ZNF362: variants seen among roughly 807,000 people sequenced by gnomAD.
ZNF362 encodes rotund homolog.
ZNF362 carries 11 observed loss-of-function variants against 42.9 expected under a neutral mutation model. The ratio of observed to expected loss-of-function variants is 0.26; its 90% CI spans 0.16 to 0.42. The LOEUF (loss-of-function observed/expected upper bound fraction) is 0.42. ZNF362 is among the 20% of genes least tolerant of loss of function. The pLI, the probability that ZNF362 is intolerant of heterozygous loss-of-function variation, is 1.00. For missense variants in ZNF362, 362 were observed against 576.2 expected (o/e 0.63, Z 3.81); for synonymous variants, 255 against 257.3 (o/e 0.99, Z 0.09).
At chr1:33,202,324 T>G in the ZNF362 span, among the ~76,000 whole-genome samples, 16 of 152,186 alleles carry the variant, frequency 1.1e-4, no homozygotes, top group Non-Finnish European at 2.4e-4. Context: ...AGGCCGGGCG[T>G]GGTGGCTCAC....
chr1:33,284,802 G>A (rs1646020624), intron 6 of ZNF362, among the ~76,000 whole-genome samples: 1 of 152,144 alleles, frequency 6.6e-6, no homozygotes, highest in African/African-American at 2.4e-5. Context: ...CCAGTCCTGG[G>A]GAAAAATTCC....
the ZNF362 span, among the ~76,000 whole-genome samples, chr1:33,219,493 G>A: frequency 5.0e-4 from 76 of 152,322 alleles, no homozygotes; most frequent in Non-Finnish European, 7.4e-4. Context: ...GGGAGGACTC[G>A]TGAAGACCTA....
At chr1:33,256,220 G>A (rs1158266033), upstream of ZNF362, among the ~76,000 whole-genome samples, 1 of 140,066 alleles carries the variant, frequency 7.1e-6, no homozygotes, top group African/African-American at 2.5e-5. Context: ...CGAGGCCCCG[G>A]GGCCCGAGTG....
the ZNF362 span, among the ~76,000 whole-genome samples, chr1:33,153,896 C>T: frequency 6.6e-6 from 1 of 152,190 alleles, no homozygotes; most frequent in Non-Finnish European, 1.5e-5. Context: ...AGACCTGGCC[C>T]CTGACCCTCA....
At chr1:33,217,833 A>G in the ZNF362 span, among the ~76,000 whole-genome samples, 1 of 152,152 alleles carries the variant, frequency 6.6e-6, no homozygotes, top group Non-Finnish European at 1.5e-5. Context: ...GGATCATAGT[A>G]TTTTAACTAT....
At chr1:33,208,545 A>AT in the ZNF362 span, among the ~76,000 whole-genome samples, 1 of 151,812 alleles carries the variant, frequency 6.6e-6, no homozygotes, top group South Asian at 2.1e-4. Context: ...CACGATATTG[A>AT]TTTTTCCTAT....
chr1:33,274,036 G>C (rs965980396), intron 2 of ZNF362, among the ~76,000 whole-genome samples: 2 of 152,080 alleles, frequency 1.3e-5, no homozygotes, highest in Non-Finnish European at 2.9e-5. Context: ...TTTACATCTC[G>C]GTCCCCTCCA....
rs546885858 is a variant in ZNF362, at chr1:33,266,369, C to A, written c.-88-4118C>A. ...ACTTGAGGCCCTACTGCATGGCTGGCGCTGGGCTCTGGGGCTGCAGCAGTG... is the reference window on the plus strand; with the variant it reads ...ACTTGAGGCCCTACTGCATGGCTGGAGCTGGGCTCTGGGGCTGCAGCAGTG... On this transcript the variant is annotated intron_variant, in intron 1 of 8. Coordinates refer to ENST00000539719, the MANE Select transcript of ZNF362 (RefSeq NM_152493.3). This position sits in a 1 kb window ranked among gnomAD's most constrained non-coding sequence, Gnocchi z 4.3. Among the ~76,000 whole-genome samples the A allele has an allele frequency of 3.3e-5, 5 of 152,186 alleles. No homozygotes were observed. Among genetic ancestry groups the A allele is most frequent in the Non-Finnish European group, 5.9e-5 (4 of 68,022 alleles).
chr1:33,177,790 G>A, the ZNF362 span, among the ~76,000 whole-genome samples: 2 of 152,296 alleles, frequency 1.3e-5, no homozygotes, highest in African/African-American at 4.8e-5. This position sits in a 1 kb window ranked among gnomAD's most constrained non-coding sequence, Gnocchi z 4.1. Flanking sequence ...CAATAATGCC[G>A]AGTACGATGT....
chr1:33,216,488 T>C, the ZNF362 span, among the ~76,000 whole-genome samples: 3 of 134,200 alleles, frequency 2.2e-5, no homozygotes, highest in Non-Finnish European at 3.1e-5. Flanking sequence ...TAATCCCAGC[T>C]ACTCAGGAGG....
At chr1:33,297,424 A>G (rs1007833590) in intron 8 of ZNF362, among the ~76,000 whole-genome samples, 3 of 152,004 alleles carry the variant, frequency 2.0e-5, no homozygotes, top group Non-Finnish European at 2.9e-5. Context: ...CAAAGTCCTT[A>G]TCATCATCAG....
chr1:33,218,978 C>CACACACACACACACACACACACAT, the ZNF362 span, among the ~76,000 whole-genome samples: 8 of 134,340 alleles, frequency 6.0e-5, 1 homozygote, highest in Admixed American at 2.3e-4. Context: ...CACACACACA[C>CACACACACACACACACACACACAT]ACATACACCA....
the ZNF362 span, among the ~76,000 whole-genome samples, chr1:33,178,631 T>TC: frequency 6.6e-6 from 1 of 152,138 alleles, no homozygotes; most frequent in South Asian, 2.1e-4. Context: ...AAAGTCCTGG[T>TC]AGGAAGGAAG....
chr1:33,147,236 GGCCAGGGCT>G, the ZNF362 span: 6 of 1,613,944 alleles, frequency 3.7e-6, no homozygotes, highest in Non-Finnish European at 4.2e-6. The surrounding 1 kb of genome is among the most constrained non-coding windows in gnomAD (Gnocchi z 8.1). Context: ...GCGTGGCTCT[GGCCAGGGCT>G]GAAGTAAGAG....
chr1:33,189,974 C>T, the ZNF362 span, among the ~76,000 whole-genome samples: 1 of 151,854 alleles, frequency 6.6e-6, no homozygotes, highest in Admixed American at 6.6e-5. Context: ...CTTACTTTAA[C>T]AGGAGGGCTA....
At chr1:33,201,650 G>A in the ZNF362 span, among the ~76,000 whole-genome samples, 2 of 152,092 alleles carry the variant, frequency 1.3e-5, no homozygotes, top group Non-Finnish European at 2.9e-5. Context: ...TACATAGAAG[G>A]AAAGTTATAG....
chr1:33,159,629 C>T, the ZNF362 span: 19 of 1,559,872 alleles, frequency 1.2e-5, no homozygotes, highest in Middle Eastern at 1.7e-3. The surrounding 1 kb of genome is among the most constrained non-coding windows in gnomAD (Gnocchi z 4.2). Flanking sequence ...CTCCCACTGC[C>T]CAGCATGGGT....
intron 7 of ZNF362, 44 bp from the exon 8 acceptor site, chr1:33,295,103 A>T (rs1357107483): frequency 6.8e-7 from 1 of 1,465,726 alleles, no homozygotes; most frequent in Non-Finnish European, 9.3e-7. Flanking sequence ...GGGTGGGGTG[A>T]GGGAGCCCTG....
the ZNF362 span, among the ~76,000 whole-genome samples, chr1:33,204,760 C>T: frequency 6.6e-6 from 1 of 152,106 alleles, no homozygotes; most frequent in Non-Finnish European, 1.5e-5. Context: ...TTTTATTCAT[C>T]GTTACTGTAC....
Sources: allele counts gnomAD v4.1 joint callset (sites outside exome capture counted in the v4.1 genomes callset), GRCh38; gene constraint gnomAD v4.1.1; non-coding constraint Gnocchi (gnomAD v3.1); transcripts MANE v1.5; gene names NCBI Gene and HGNC (gene_info 2026-07-23, HGNC 2026-07-21).